Variants in ADAMTSL1 observed in about 807,000 individuals in gnomAD.
The protein encoded by ADAMTSL1 is ADAMTS like 1.
Under a neutral mutation model 201.8 loss-of-function variants are expected in ADAMTSL1, and 126 were observed. The ratio of observed to expected loss-of-function variants is 0.62; its 90% confidence interval spans 0.54 to 0.72. The LOEUF is 0.72. ADAMTSL1 is among the 30% of genes least tolerant of loss of function. The pLI is 0.00. For synonymous variants in ADAMTSL1, 1,121 were observed against 903.4 expected (o/e 1.24, Z -4.32); for missense variants, 2,679 against 2,277.8 (o/e 1.18, Z -3.59).
At chr9:18,065,985 C>CAAAA (rs34179730) in intron 1 of ADAMTSL1, among the ~76,000 whole-genome samples, 14 of 38,132 alleles carry the variant, frequency 3.7e-4, no homozygotes, top group Non-Finnish European at 5.1e-4. Flanking sequence ...GACTCCATCT[C>CAAAA]AAAAAAAAAA....
At chr9:18,815,918 G>A (rs1372293631) in intron 20 of ADAMTSL1, among the ~76,000 whole-genome samples, 2 of 151,666 alleles carry the variant, frequency 1.3e-5, no homozygotes, top group Non-Finnish European at 2.9e-5. Context: ...TGATTTTTTT[G>A]GATACATGTA....
chr9:18,120,617 C>T lies in ADAMTSL1; in HGVS notation c.88-43245C>T, dbSNP rs529051608. Among the ~76,000 whole-genome samples, 4 of 152,092 alleles carry T rather than the reference C, an allele frequency of 2.6e-5. No homozygotes were observed. The East Asian group carries it at 7.7e-4, about 29-fold the overall frequency. ...AGGTATTCTTCATTAAACATTGTGT[C>T]CATATATGCATAATATTATTTCATG... On this transcript the variant is annotated intron_variant, in intron 1 of 29. Transcript: ENST00000680146.
intron 16 of ADAMTSL1, among the ~76,000 whole-genome samples, chr9:18,764,014 T>C (rs966546962): frequency 6.6e-6 from 1 of 152,196 alleles, no homozygotes; most frequent in Admixed American, 6.5e-5. Flanking sequence ...TTAAGATTGT[T>C]TTTCTATTTC....
rs112405885 is a variant in ADAMTSL1, at chr9:18,494,664, G to A, written c.64-10165G>A. On this transcript the variant is annotated intron_variant, in intron 1 of 28. Transcript: ENST00000380548. ...TTGATTTAGGGCCAGTTTATGAAGC[G>A]TCTTGTATGCTATGCTAATAACTTA... 7.7e-3 allele frequency among the ~76,000 whole-genome samples: 1,175 copies of A among 152,264 alleles called. 18 individuals carry two copies. Among genetic ancestry groups the A allele is most frequent in the African/African-American group, 0.026 (1,069 of 41,546 alleles).
intron 1 of ADAMTSL1, among the ~76,000 whole-genome samples, chr9:18,117,446 G>C (rs1280858022): frequency 6.6e-6 from 1 of 152,066 alleles, no homozygotes; most frequent in Non-Finnish European, 1.5e-5. Flanking sequence ...TGCATTAGCT[G>C]TTTCCAAGGA....
intron 2 of ADAMTSL1, among the ~76,000 whole-genome samples, chr9:18,441,191 T>TG (rs35156977): frequency 0.25 from 37,301 of 151,566 alleles, 5,536 homozygotes; most frequent in Non-Finnish European, 0.33. Context: ...GGGTTTCTTT[T>TG]GGGGGTAATA....
chr9:17,962,823 C>A (rs1432483016), intron 1 of ADAMTSL1, among the ~76,000 whole-genome samples: 1 of 152,232 alleles, frequency 6.6e-6, no homozygotes, highest in African/African-American at 2.4e-5. Context: ...CTTTGCACAG[C>A]GTGCAGTTAT....
intron 2 of ADAMTSL1, among the ~76,000 whole-genome samples, chr9:18,285,718 G>T (rs572313672): frequency 6.6e-6 from 1 of 151,800 alleles, no homozygotes; most frequent in East Asian, 1.9e-4. Flanking sequence ...AATTCTTACT[G>T]TAGTCAAATA....
chr9:18,514,422 G>A (rs186425349), intron 2 of ADAMTSL1, among the ~76,000 whole-genome samples: 1,625 of 145,626 alleles, frequency 0.011, 17 homozygotes, highest in South Asian at 0.047. Flanking sequence ...CTCCGCCTCC[G>A]GGGTTCACGC....
chr9:18,844,068 T>C (rs956270363), intron 23 of ADAMTSL1, among the ~76,000 whole-genome samples: 1 of 152,270 alleles, frequency 6.6e-6, no homozygotes, highest in Admixed American at 6.5e-5. Flanking sequence ...CTTTGTTCCA[T>C]TGCTGGTGAG....
At chr9:18,717,336 A>T (rs1286089071) in intron 14 of ADAMTSL1, among the ~76,000 whole-genome samples, 1 of 151,738 alleles carries the variant, frequency 6.6e-6, no homozygotes, top group African/African-American at 2.4e-5. Flanking sequence ...TTCCCAACAG[A>T]TATTAAAGGC....
chr9:18,541,400 C>T (rs1339073784), intron 3 of ADAMTSL1, among the ~76,000 whole-genome samples: 3 of 151,940 alleles, frequency 2.0e-5, no homozygotes, highest in Non-Finnish European at 4.4e-5. Flanking sequence ...ATCCCAGCTA[C>T]TCGGGAGGCT....
intron 3 of ADAMTSL1, among the ~76,000 whole-genome samples, chr9:18,564,835 AAAATAAT>A (rs1821773617): frequency 6.6e-6 from 1 of 152,188 alleles, no homozygotes; most frequent in Non-Finnish European, 1.5e-5. Flanking sequence ...AAAGGGACTA[AAAATAAT>A]AAAAAGCCTC....
intron 1 of ADAMTSL1, among the ~76,000 whole-genome samples, chr9:18,029,363 G>T (rs11532854): frequency 0.035 from 5,402 of 152,238 alleles, 284 homozygotes; most frequent in East Asian, 0.29. Context: ...GCTGAAACTG[G>T]ATCCCTTCCT....
intron 4 of ADAMTSL1, among the ~76,000 whole-genome samples, chr9:18,594,647 C>T (rs1234017397): frequency 6.6e-6 from 1 of 152,118 alleles, no homozygotes; most frequent in Non-Finnish European, 1.5e-5. Flanking sequence ...GTTTCAGCTC[C>T]AAGGTTGATT....
At chr9:18,489,568 G>C (rs1822166437) in intron 1 of ADAMTSL1, among the ~76,000 whole-genome samples, 1 of 152,164 alleles carries the variant, frequency 6.6e-6, no homozygotes, top group African/African-American at 2.4e-5. Flanking sequence ...TTTCGTAAAA[G>C]ATAGAAGAAA....
intron 2 of ADAMTSL1, among the ~76,000 whole-genome samples, chr9:18,300,449 T>C (rs4397506): frequency 0.7 from 92,371 of 131,920 alleles, 30,139 homozygotes; most frequent in African/African-American, 0.8. Context: ...CATCACACAC[T>C]GGGGCCTGTC....
chr9:18,291,747 T>TCTCACA (rs1354410845), intron 2 of ADAMTSL1, among the ~76,000 whole-genome samples: 158 of 99,856 alleles, frequency 1.6e-3, no homozygotes, highest in African/African-American at 4.6e-3. Context: ...TCTCTCTCTC[T>TCTCACA]CACACACACA....
At chr9:18,015,738 C>A (rs776695809) in intron 1 of ADAMTSL1, among the ~76,000 whole-genome samples, 1 of 152,002 alleles carries the variant, frequency 6.6e-6, no homozygotes. Context: ...ACCAGGGCTT[C>A]TCATCCTAGG....
Sources: gnomAD v4.1 joint callset for allele counts (sites outside exome capture counted in the v4.1 genomes callset) on GRCh38, gnomAD v4.1.1 for gene constraint, MANE v1.5 for transcripts, NCBI Gene and HGNC (gene_info 2026-07-23, HGNC 2026-07-21) for gene names.